Variants in BABAM2 observed in about 807,000 individuals in gnomAD.
The protein encoded by BABAM2 is BRISC and BRCA1 A complex member 2.
BABAM2 carries 31 observed loss-of-function variants against 54.7 expected under a neutral mutation model. That is an observed-to-expected ratio of 0.57 (90% confidence interval 0.43 to 0.77). The LOEUF (loss-of-function observed/expected upper bound fraction) is 0.77. Among genes scored for constraint, BABAM2 ranks in the 30% least tolerant of loss-of-function variants. BABAM2 has a pLI of 0.00. For synonymous variants in BABAM2, 167 were observed against 162.9 expected (o/e 1.03, Z -0.19); for missense variants, 364 against 455.8 (o/e 0.80, Z 1.83).
At chr2:28,326,927 TATTA>T (rs3065553) in intron 11 of BABAM2, among the ~76,000 whole-genome samples, 151,435 of 152,276 alleles carry the variant, frequency 0.99, 75,306 homozygotes, top group Middle Eastern at 1. Context: ...TTTTTCCTTC[TATTA>T]ATTACAACAT....
At chr2:27,937,767 C>T (rs556014781) in intron 3 of BABAM2, among the ~76,000 whole-genome samples, 2 of 152,246 alleles carry the variant, frequency 1.3e-5, no homozygotes, top group Middle Eastern at 3.4e-3. Context: ...GTTGTCTCTG[C>T]AGTCTGTTGA....
chr2:28,120,308 A>G (rs985856332), intron 6 of BABAM2, among the ~76,000 whole-genome samples: 9 of 152,250 alleles, frequency 5.9e-5, no homozygotes, highest in African/African-American at 2.2e-4. Flanking sequence ...TGGGCCATAC[A>G]GTATTTAGAA....
At chr2:28,230,870 A>T (rs1017662675) in intron 7 of BABAM2, among the ~76,000 whole-genome samples, 1 of 152,182 alleles carries the variant, frequency 6.6e-6, no homozygotes, top group African/African-American at 2.4e-5. Context: ...CTTTAAGATG[A>T]TAAAAAGTGA....
intron 3 of BABAM2, among the ~76,000 whole-genome samples, chr2:27,955,980 T>TA (rs1670051192): frequency 1.5e-5 from 1 of 66,604 alleles, no homozygotes; most frequent in African/African-American, 4.3e-5. Flanking sequence ...TTTGGCAACA[T>TA]GTTTTTTTTT....
At chr2:28,006,460 C>T (rs986639833) in intron 4 of BABAM2, among the ~76,000 whole-genome samples, 1 of 152,120 alleles carries the variant, frequency 6.6e-6, no homozygotes, top group South Asian at 2.1e-4. Context: ...TTAGAATTTG[C>T]AGTGACATTA....
At chr2:28,029,458 GT>G (rs913527800) in intron 5 of BABAM2, among the ~76,000 whole-genome samples, 6 of 152,024 alleles carry the variant, frequency 3.9e-5, no homozygotes, top group Non-Finnish European at 1.5e-5. Flanking sequence ...TATAGTATTT[GT>G]TTTTTTGTGA....
intron 7 of BABAM2, among the ~76,000 whole-genome samples, chr2:28,170,207 A>G (rs1054747644): frequency 6.6e-6 from 1 of 152,152 alleles, no homozygotes; most frequent in African/African-American, 2.4e-5. Flanking sequence ...AAAACAATAT[A>G]TACAGCTTGA....
chr2:27,947,431 ACTT>A (rs1669379290), intron 3 of BABAM2, among the ~76,000 whole-genome samples: 1 of 152,118 alleles, frequency 6.6e-6, no homozygotes, highest in Non-Finnish European at 1.5e-5. Context: ...AATATTATAT[ACTT>A]CTTTTTCCCC....
At chr2:28,016,480 C>A in intron 4 of BABAM2, 1 of 1,172,826 alleles carries the variant, frequency 8.5e-7, no homozygotes, top group Admixed American at 1.7e-5. Flanking sequence ...CCCACTTGCC[C>A]ATGGTGCTGG....
chr2:28,270,895 A>G (rs1685369583), intron 10 of BABAM2, among the ~76,000 whole-genome samples: 1 of 152,186 alleles, frequency 6.6e-6, no homozygotes, highest in African/African-American at 2.4e-5. Context: ...GCCTTGCTTT[A>G]TCTTACTCAC....
At chr2:27,963,414 G>A (rs978457009) in intron 3 of BABAM2, among the ~76,000 whole-genome samples, 10 of 142,442 alleles carry the variant, frequency 7.0e-5, no homozygotes, top group African/African-American at 2.6e-4. Context: ...AGGTTGCGGT[G>A]AGCTGAGATT....
At chr2:28,331,801 G>A (rs1690980604) in intron 11 of BABAM2, among the ~76,000 whole-genome samples, 1 of 152,198 alleles carries the variant, frequency 6.6e-6, no homozygotes. Context: ...ATTTGACCCA[G>A]CAATCCCATT....
At chr2:28,253,261 G>A (rs951738320) in intron 10 of BABAM2, among the ~76,000 whole-genome samples, 3 of 152,040 alleles carry the variant, frequency 2.0e-5, no homozygotes, top group Admixed American at 6.6e-5. Context: ...AATTAGCCAG[G>A]TGTGGTGGCA....
At chr2:27,939,063 C>A (rs574995468) in intron 3 of BABAM2, among the ~76,000 whole-genome samples, 23 of 152,162 alleles carry the variant, frequency 1.5e-4, no homozygotes, top group Non-Finnish European at 2.8e-4. Flanking sequence ...AGTGTTTCTC[C>A]TGTCTCAGCC....
intron 6 of BABAM2, among the ~76,000 whole-genome samples, chr2:28,106,210 C>T (rs753196474): frequency 6.6e-6 from 1 of 151,790 alleles, no homozygotes; most frequent in Non-Finnish European, 1.5e-5. Context: ...TTCTAAGATC[C>T]CATTCAAATT....
At chr2:27,968,354 C>T (rs965269794) in intron 3 of BABAM2, among the ~76,000 whole-genome samples, 7 of 152,202 alleles carry the variant, frequency 4.6e-5, no homozygotes, top group Non-Finnish European at 5.9e-5. Context: ...GTTGAGCCTG[C>T]GAGTGCACAG....
intron 4 of BABAM2, among the ~76,000 whole-genome samples, chr2:28,005,238 A>G (rs1184192363): frequency 6.6e-6 from 1 of 152,180 alleles, no homozygotes; most frequent in African/African-American, 2.4e-5. Flanking sequence ...TGAATACATC[A>G]TAGACAACCT....
In BABAM2 at chr2:28,149,047, T is replaced by C. The variant is rs1462513990; in HGVS notation, c.680+19667T>C. 3.3e-5 allele frequency among the ~76,000 whole-genome samples: 5 copies of C among 152,206 alleles called. No homozygotes were observed. In the South Asian group the frequency reaches 8.3e-4, roughly 25 times the overall value. Reference sequence around the variant, plus strand: ...TTAATAGCAATGCATTTTCCTGTTATAGAATATGTCACTCATCACAGTAAA... The same window carrying C: ...TTAATAGCAATGCATTTTCCTGTTACAGAATATGTCACTCATCACAGTAAA... On this transcript the variant is annotated intron_variant, in intron 7 of 11. Transcript: ENST00000379624.
intron 11 of BABAM2, chr2:28,327,309 G>T (rs1690556836): frequency 6.2e-7 from 1 of 1,612,030 alleles, no homozygotes; most frequent in Non-Finnish European, 8.5e-7. Flanking sequence ...TGCAGCCCGT[G>T]GGAGCAAGTC....
Sources: gnomAD v4.1 joint callset for allele counts (sites outside exome capture counted in the v4.1 genomes callset) on GRCh38, gnomAD v4.1.1 for gene constraint, MANE v1.5 for transcripts, NCBI Gene and HGNC (gene_info 2026-07-23, HGNC 2026-07-21) for gene names.